Variants in RDH10 observed in about 807,000 individuals in gnomAD.
RDH10 encodes retinol dehydrogenase 10 (all-trans).
A neutral mutation model predicts 30.2 loss-of-function variants in RDH10; 12 were observed. The observed-to-expected ratio is 0.40, with a 90% CI of 0.25 to 0.64. The LOEUF (loss-of-function observed/expected upper bound fraction) is 0.64. Among genes scored for constraint, RDH10 ranks in the 30% least tolerant of loss-of-function variants. RDH10 has a pLI of 0.43. For synonymous variants in RDH10, 189 were observed against 172.2 expected (o/e 1.10, Z -0.76); for missense variants, 268 against 445.2 (o/e 0.60, Z 3.58).
chr8:73,297,376 C>T lies in RDH10; in HGVS notation c.472C>T (p.Pro158Ser). 1 of 1,614,056 alleles carries T rather than the reference C, an allele frequency of 6.2e-7. No individual in the cohort carries two copies. Residue 158 changes from proline to serine, a missense_variant, in exon 2 of 6, where the codon CCT (proline) becomes TCT (serine). Physicochemically the swap from Pro to Ser is moderately conservative, Grantham distance 74. Coordinates refer to ENST00000240285, the MANE Select transcript of RDH10 (RefSeq NM_172037.5). ...CTCTGGGCATCACCTTCTGGAATGT[C>T]CTGATGAGCTCATTGAGAGAACCAT... ...VVSGHHLLEC[P>S]DELIERTMMV...
chr8:73,302,432 T>A (rs530489342), intron 2 of RDH10, among the ~76,000 whole-genome samples: 12 of 152,190 alleles, frequency 7.9e-5, no homozygotes, highest in Non-Finnish European at 1.3e-4. Context: ...AAGCCTGTAA[T>A]CCCAACACTT....
chr8:73,308,846 G>A (rs1814508067), intron 2 of RDH10, among the ~76,000 whole-genome samples: 1 of 152,142 alleles, frequency 6.6e-6, no homozygotes, highest in Non-Finnish European at 1.5e-5. Context: ...GAACTCTTAG[G>A]AGAGTTGATC....
Position 73,295,206 on chromosome 8 carries a change from G to T in RDH10, c.-84G>T. ...TCTCGTCCCGGCCTCTGTGACAAGC[G>T]CCCCGGAGCCGGGAGCCCGATTGCC... On this transcript the variant is annotated 5_prime_UTR_variant, in exon 1 of 6. Transcript: ENST00000240285. The T allele has an allele frequency of 1.5e-6, 2 of 1,311,024 alleles. No individual in the cohort carries two copies. The highest frequency in any genetic ancestry group is 1.5e-5 in the South Asian group (1 of 64,882). 81.2% of individuals were successfully genotyped at this position (1,311,024 alleles called of 1,614,324 possible).
intron 2 of RDH10, chr8:73,315,458 A>C: frequency 5.7e-6 from 2 of 348,860 alleles, no homozygotes; most frequent in Non-Finnish European, 1.2e-5. Flanking sequence ...TAATACCACC[A>C]GATTCATTTC....
At chr8:73,297,613 C>G (rs563000550) in intron 2 of RDH10, 184 bp downstream of exon 2, 2 of 545,502 alleles carry the variant, frequency 3.7e-6, no homozygotes, top group African/African-American at 3.8e-5. Context: ...CCCCGCCCAC[C>G]CCCCCGCCAC....
chr8:73,300,210 C>G (rs1814351433), intron 2 of RDH10: 1 of 152,190 alleles, frequency 6.6e-6, no homozygotes, highest in African/African-American at 2.4e-5. Flanking sequence ...GTTGGAATTT[C>G]TGACTTCTTG....
intron 3 of RDH10, 81 bp downstream of exon 3, chr8:73,319,275 G>C: frequency 1.1e-6 from 1 of 917,702 alleles, no homozygotes; most frequent in South Asian, 1.5e-5. Context: ...GAGAGCACCT[G>C]CTGCCCCTCC....
chr8:73,315,625 A>G, intron 2 of RDH10: 1 of 455,356 alleles, frequency 2.2e-6, no homozygotes, highest in Non-Finnish European at 4.4e-6. Flanking sequence ...AGACCAGAGC[A>G]CGTGAATACA....
At chr8:73,316,182 A>AATTTTTTGT (rs1191559805) in intron 2 of RDH10, among the ~76,000 whole-genome samples, 1 of 151,892 alleles carries the variant, frequency 6.6e-6, no homozygotes, top group African/African-American at 2.4e-5. Context: ...ATGCCCGGCT[A>AATTTTTTGT]ATTTTTTGTA....
chr8:73,306,528 A>G (rs1814465452), intron 2 of RDH10, among the ~76,000 whole-genome samples: 1 of 152,254 alleles, frequency 6.6e-6, no homozygotes, highest in Non-Finnish European at 1.5e-5. Flanking sequence ...AAAACTTTCA[A>G]CACTGCAGCA....
In RDH10 at chr8:73,295,155, T is replaced by C; in HGVS notation, c.-135T>C. 1 of 856,702 alleles carries C rather than the reference T, an allele frequency of 1.2e-6. No individual in the cohort carries two copies. The highest frequency in any genetic ancestry group is 1.6e-6 in the Non-Finnish European group (1 of 608,440). 53.1% of individuals were successfully genotyped at this position (856,702 alleles called of 1,614,324 possible). On this transcript the variant is annotated 5_prime_UTR_variant, in exon 1 of 6. Transcript: ENST00000240285. ...CGCGCACTCCAACCCGGCGGGCACC[T>C]CGGGGGCGGGCGCGGGGCGCAGCCT...
chr8:73,296,662 A>G (rs1814272001), intron 1 of RDH10, among the ~76,000 whole-genome samples: 1 of 152,236 alleles, frequency 6.6e-6, no homozygotes, highest in Non-Finnish European at 1.5e-5. Flanking sequence ...AGAACAAGCC[A>G]GTGATCCCTA....
Position 73,295,259 on chromosome 8 carries a change from A to G in RDH10, c.-31A>G. The G allele has an allele frequency of 8.2e-6, 12 of 1,454,940 alleles. No homozygotes were observed. The highest frequency in any genetic ancestry group is 1.1e-5 in the Non-Finnish European group (12 of 1,095,914). The allele number at this position is 1,454,940 out of a possible 1,614,324, so 90.1% of individuals were successfully genotyped here. On this transcript the variant is annotated 5_prime_UTR_variant, in exon 1 of 6. Coordinates refer to ENST00000240285, the MANE Select transcript of RDH10 (RefSeq NM_172037.5). ...GCTCGGGGTGGGCGCGGACGCAGGC[A>G]CTGGGCTCGTGCGGGGCCCCGGGCG...
chr8:73,322,790 C>T lies in RDH10; in HGVS notation c.882C>T (p.Tyr294=). The T allele has an allele frequency of 6.2e-7, 1 of 1,614,222 alleles. No homozygotes were observed. Among genetic ancestry groups the T allele is most frequent in the South Asian group, 1.1e-5 (1 of 91,086 alleles). Residue 294 remains tyrosine, a synonymous_variant, in exon 5 of 6, where the codon TAC becomes TAT. Coordinates refer to ENST00000240285, the MANE Select transcript of RDH10 (RefSeq NM_172037.5). ...QPMICTPRLM[Y]IVTFMKSILP... is the part of the protein sequence containing the mutation. ...TGATCTGCACTCCCCGCCTCATGTACATCGTGACCTTCATGAAGAGGTAAC... is the reference window on the plus strand; with the variant it reads ...TGATCTGCACTCCCCGCCTCATGTATATCGTGACCTTCATGAAGAGGTAAC...
chr8:73,301,082 G>A (rs1335370154), intron 2 of RDH10, among the ~76,000 whole-genome samples: 3 of 113,830 alleles, frequency 2.6e-5, no homozygotes, highest in Admixed American at 1.3e-4. Flanking sequence ...ACGGAGTCTC[G>A]CTCTGTCGCC....
intron 2 of RDH10, among the ~76,000 whole-genome samples, chr8:73,316,906 A>G (rs1242687564): frequency 6.6e-6 from 1 of 152,170 alleles, no homozygotes; most frequent in Non-Finnish European, 1.5e-5. Context: ...GCTGAACCAT[A>G]CATGAAAAAT....
chr8:73,301,556 G>A lies in RDH10; in HGVS notation c.525+4127G>A, dbSNP rs549107624. 9.3e-5 allele frequency among the ~76,000 whole-genome samples: 14 copies of A among 150,974 alleles called. No individual in the cohort carries two copies. In the South Asian group the frequency reaches 2.3e-3, roughly 25 times the overall value. On this transcript the variant is annotated intron_variant, in intron 2 of 5. Transcript: ENST00000240285. ...GCGGATCACTTGATGTCAGGAGTTC[G>A]AGACCAGCCTGGTCAACATGGAGAA...
chr8:73,319,604 C>T (rs1010371348), intron 3 of RDH10, among the ~76,000 whole-genome samples: 12 of 152,270 alleles, frequency 7.9e-5, no homozygotes, highest in African/African-American at 2.6e-4. Flanking sequence ...AAAGCAGCAG[C>T]GACAAGAAAA....
rs1814831783 is a variant in RDH10 at position 73,324,437 on chromosome 8, TGA to T, written c.*1402_*1403del. 6.6e-6 allele frequency: 1 copy of T among 152,638 alleles called. No homozygotes were observed. The highest frequency in any genetic ancestry group is 1.5e-5 in the Non-Finnish European group (1 of 68,040). 9.5% of individuals were successfully genotyped at this position (152,638 alleles called of 1,614,324 possible). The stretch of plus-strand genomic sequence containing the variant: ...TTGTAAATGACTATAAACTATTATG[TGA>T]TTGCTTTTTTTTTTAGAATGTCTTG... On this transcript the variant is annotated 3_prime_UTR_variant, in exon 6 of 6. Coordinates refer to ENST00000240285, the MANE Select transcript of RDH10 (RefSeq NM_172037.5).
Sources: allele counts gnomAD v4.1 joint callset (sites outside exome capture counted in the v4.1 genomes callset), GRCh38; gene constraint gnomAD v4.1.1; transcripts MANE v1.5; gene names NCBI Gene and HGNC (gene_info 2026-07-23, HGNC 2026-07-21).